The following PEBP4 variants were observed in gnomAD, a reference collection of about 807,000 sequenced individuals.
The protein encoded by PEBP4 is phosphatidylethanolamine binding protein 4, also known as phosphatidylethanolamine-binding protein 4.
A neutral mutation model predicts 23.9 loss-of-function variants in PEBP4; 22 were observed. The observed-to-expected ratio is 0.92, with a 90% confidence interval of 0.66 to 1.31. PEBP4 has a LOEUF of 1.31. PEBP4 is among the 40% of genes most tolerant of loss of function. PEBP4 has a pLI of 0.00. For missense variants in PEBP4, 324 were observed against 281.7 expected, an observed-to-expected ratio of 1.15 and a Z score of -1.07; for synonymous variants, 112 against 99.3, an observed-to-expected ratio of 1.13 and a Z score of -0.76.
At chr8:22,912,137 G>A (rs1162534636) in intron 3 of PEBP4, among the ~76,000 whole-genome samples, 1 of 152,222 alleles carries the variant, frequency 6.6e-6, no homozygotes, top group Non-Finnish European at 1.5e-5. Flanking sequence ...AGCCCTGGGA[G>A]TGAAGATTAA....
At chr8:22,908,980 C>A (rs1371590955) in intron 3 of PEBP4, among the ~76,000 whole-genome samples, 1 of 152,168 alleles carries the variant, frequency 6.6e-6, no homozygotes, top group Non-Finnish European at 1.5e-5. Context: ...ATTTCCACAA[C>A]CAAGTGGCAA....
intron 4 of PEBP4, among the ~76,000 whole-genome samples, chr8:22,785,685 C>T (rs1474864557): frequency 6.6e-6 from 1 of 152,194 alleles, no homozygotes; most frequent in African/African-American, 2.4e-5. Flanking sequence ...CAGATCCTCC[C>T]TGAGCCTGAG....
intron 3 of PEBP4, among the ~76,000 whole-genome samples, chr8:22,845,763 G>A (rs887613668): frequency 3.3e-5 from 5 of 152,200 alleles, no homozygotes; most frequent in Non-Finnish European, 4.4e-5. Context: ...GGCGCCTCTC[G>A]CCTCCTTAAG....
chr8:22,835,847 G>A (rs1170671252), intron 3 of PEBP4, among the ~76,000 whole-genome samples: 1 of 152,194 alleles, frequency 6.6e-6, no homozygotes, highest in Non-Finnish European at 1.5e-5. Context: ...CATTTATCAC[G>A]GCTTTCAATG....
chr8:22,933,693 G>A (rs1186168882), intron 1 of PEBP4, among the ~76,000 whole-genome samples: 2 of 152,216 alleles, frequency 1.3e-5, no homozygotes, highest in African/African-American at 2.4e-5. Context: ...AGGTTGAAAT[G>A]AAAAGATGAC....
At position 22,927,623 on chromosome 8, in the gene PEBP4, G is replaced by A; in HGVS notation, c.92C>T (p.Ala31Val). Residue 31 changes from alanine to valine, a missense_variant, in exon 2 of 7, where the codon GCC becomes GTC. Coordinates refer to ENST00000256404, the MANE Select transcript of PEBP4 (RefSeq NM_144962.3). The part of the protein sequence containing the change: ...TGDEDENSPC[A>V]HEALLDEDTL... Reference sequence around the variant, plus strand: ...GTCCTCGTCCAAGAGGGCCTCATGGGCACACGGGCTGTTCTCATCCTCGTC... The same window carrying A: ...GTCCTCGTCCAAGAGGGCCTCATGGACACACGGGCTGTTCTCATCCTCGTC... The A allele has an allele frequency of 6.2e-7, 1 of 1,613,554 alleles. No individual in the cohort carries two copies. The highest frequency in any genetic ancestry group is 1.3e-5 in the African/African-American group (1 of 75,054).
At chr8:22,853,272 C>T (rs1807582662) in intron 3 of PEBP4, among the ~76,000 whole-genome samples, 2 of 152,156 alleles carry the variant, frequency 1.3e-5, no homozygotes, top group South Asian at 4.1e-4. Flanking sequence ...TTCTTTTGTC[C>T]TCCTGTGGGG....
At chr8:22,862,562 C>A (rs1419879030) in intron 3 of PEBP4, among the ~76,000 whole-genome samples, 1 of 152,074 alleles carries the variant, frequency 6.6e-6, no homozygotes, top group African/African-American at 2.4e-5. Flanking sequence ...AGGGCTCTGG[C>A]AGTATTCAGA....
chr8:22,821,857 T>C (rs1585291911), intron 3 of PEBP4, among the ~76,000 whole-genome samples: 1 of 151,360 alleles, frequency 6.6e-6, no homozygotes, highest in Non-Finnish European at 1.5e-5. Context: ...TGGTGGCGGG[T>C]GCCTGTAGTC....
chr8:22,746,159 AAGTAC>A, intron 4 of PEBP4, among the ~76,000 whole-genome samples: 1 of 151,956 alleles, frequency 6.6e-6, no homozygotes, highest in South Asian at 2.1e-4. Flanking sequence ...ATTTTTGCTG[AAGTAC>A]ATGTGAAAAG....
At chr8:22,782,232 T>A (rs1805932147) in intron 4 of PEBP4, among the ~76,000 whole-genome samples, 1 of 152,150 alleles carries the variant, frequency 6.6e-6, no homozygotes, top group South Asian at 2.1e-4. Flanking sequence ...AAGGCCACAA[T>A]GTTGATCTTA....
At chr8:22,857,380 C>T (rs1266024349) in intron 3 of PEBP4, among the ~76,000 whole-genome samples, 1 of 152,222 alleles carries the variant, frequency 6.6e-6, no homozygotes, top group Non-Finnish European at 1.5e-5. Flanking sequence ...CTCTCAGCCT[C>T]TTGCTCCCCA....
At chr8:22,796,280 G>GTT (rs1352086616) in intron 4 of PEBP4, among the ~76,000 whole-genome samples, 3 of 152,060 alleles carry the variant, frequency 2.0e-5, no homozygotes, top group East Asian at 3.9e-4. Context: ...GTGTGTGTGT[G>GTT]TGTGTGTGTT....
At chr8:22,914,958 C>T (rs962229497) in intron 3 of PEBP4, among the ~76,000 whole-genome samples, 5 of 152,116 alleles carry the variant, frequency 3.3e-5, no homozygotes, top group Admixed American at 1.3e-4. Flanking sequence ...AACAGCATCC[C>T]CCTTTAGTCT....
In PEBP4 at chr8:22,927,584, T is replaced by C. The variant is rs200783083; in HGVS notation, c.131A>G (p.Gln44Arg). 2.4e-5 allele frequency: 38 copies of C among 1,609,050 alleles called. No homozygotes were observed. In the African/African-American group the frequency reaches 4.4e-4, roughly 19 times the overall value. Reference sequence around the variant, plus strand: ...CGCCTCCAAGCCTGCCCTGACTTACTGGCAAAAGAGGGTGTCCTCGTCCAA... The same window carrying C: ...CGCCTCCAAGCCTGCCCTGACTTACCGGCAAAAGAGGGTGTCCTCGTCCAA... Reference protein sequence around the residue: ...ALLDEDTLFCQGLEVFYPELG... With the variant: ...ALLDEDTLFCRGLEVFYPELG... Residue 44 changes from glutamine (Q) to arginine (R), a missense_variant and splice_region_variant, in exon 2 of 7, where the codon CAG (glutamine) becomes CGG (arginine). Physicochemically the swap from Gln to Arg is conservative, Grantham distance 43 (BLOSUM62 1). Transcript: ENST00000256404.
chr8:22,803,400 G>A (rs915334671), intron 4 of PEBP4, among the ~76,000 whole-genome samples: 8 of 152,122 alleles, frequency 5.3e-5, no homozygotes, highest in Non-Finnish European at 1.2e-4. Flanking sequence ...GGGCACGGTG[G>A]CTCACACCTG....
In PEBP4 at chr8:22,727,172, C is replaced by T. The variant is rs1427359450; in HGVS notation, c.403+3G>A. The T allele has an allele frequency of 6.2e-7, 1 of 1,613,870 alleles. No homozygotes were observed. Among genetic ancestry groups the T allele is most frequent in the Non-Finnish European group, 8.5e-7 (1 of 1,179,978 alleles). Reference sequence around the variant, plus strand: ...GGGAAGGGGTCCCTAGGGTCTTACTCACCTGATAACTCCTGGCCCTGAATC... The same window carrying T: ...GGGAAGGGGTCCCTAGGGTCTTACTTACCTGATAACTCCTGGCCCTGAATC... On this transcript the variant is annotated splice_donor_region_variant and intron_variant, in intron 5 of 6. Transcript: ENST00000256404.
At chr8:22,924,707 G>C in intron 2 of PEBP4, 1 of 985,386 alleles carries the variant, frequency 1.0e-6, no homozygotes, top group Non-Finnish European at 1.2e-6. Flanking sequence ...CTGGATGGCA[G>C]CAGCAGGTGG....
At chr8:22,769,697 A>T (rs1349913381) in intron 4 of PEBP4, among the ~76,000 whole-genome samples, 3 of 152,060 alleles carry the variant, frequency 2.0e-5, no homozygotes, top group African/African-American at 7.2e-5. Flanking sequence ...CACTTTTCAA[A>T]TTCTGTCAGC....
Sources: allele counts gnomAD v4.1 joint callset (sites outside exome capture counted in the v4.1 genomes callset), GRCh38; gene constraint gnomAD v4.1.1; transcripts MANE v1.5; gene names NCBI Gene and HGNC (gene_info 2026-07-23, HGNC 2026-07-21).